Variants in MACROD2 observed in about 807,000 individuals in gnomAD.
MACROD2 encodes the protein mono-ADP ribosylhydrolase 2.
Under a neutral mutation model 70.4 loss-of-function variants are expected in MACROD2, and 36 were observed. That is an observed-to-expected ratio of 0.51 (90% CI 0.39 to 0.68). The LOEUF (loss-of-function observed/expected upper bound fraction) is 0.68, where lower values mean the gene tolerates loss of function less well. MACROD2 is among the 30% of genes least tolerant of loss of function. The pLI is 0.00. For missense variants in MACROD2, 496 were observed against 538.4 expected, an observed-to-expected ratio of 0.92 and a Z score of 0.78; for synonymous variants, 172 against 178.8, an observed-to-expected ratio of 0.96 and a Z score of 0.30.
intron 5 of MACROD2, among the ~76,000 whole-genome samples, chr20:15,149,134 C>A (rs889208273): frequency 2.0e-5 from 3 of 151,900 alleles, no homozygotes; most frequent in African/African-American, 7.3e-5. Context: ...ATTTGCCAGT[C>A]CTGGGTGGAG....
chr20:16,014,234 T>C (rs1480706744), intron 15 of MACROD2, among the ~76,000 whole-genome samples: 2 of 152,258 alleles, frequency 1.3e-5, no homozygotes, highest in African/African-American at 4.8e-5. Flanking sequence ...ATTCCAGTTC[T>C]ATCACTTTTT....
At chr20:15,551,091 A>T (rs1481540701) in intron 8 of MACROD2, among the ~76,000 whole-genome samples, 1 of 152,212 alleles carries the variant, frequency 6.6e-6, no homozygotes, top group African/African-American at 2.4e-5. Flanking sequence ...GGGTGTAGGG[A>T]AGGAGATAGG....
chr20:15,332,412 A>C lies in MACROD2; in HGVS notation c.541-98993A>C, dbSNP rs181574697. 1.8e-4 allele frequency among the ~76,000 whole-genome samples: 28 copies of C among 151,686 alleles called. 1 individual carries two copies. Among genetic ancestry groups the C allele is most frequent in the African/African-American group, 6.3e-4 (26 of 41,062 alleles). ...TTAGGCGCAAGTAAAATTTTTCCTA[A>C]AGTATGAAATAGGGATCTAAATTTG... On this transcript the variant is annotated intron_variant, in intron 6 of 17. Coordinates refer to ENST00000684519, the MANE Select transcript of MACROD2 (RefSeq NM_001351661.2).
At chr20:14,126,491 T>TTGC (rs753009299) in intron 3 of MACROD2, among the ~76,000 whole-genome samples, 7 of 152,230 alleles carry the variant, frequency 4.6e-5, no homozygotes, top group Non-Finnish European at 7.3e-5. Context: ...CTTTGCTTTA[T>TTGC]TGCGTTCCAT....
At chr20:15,435,376 A>G (rs1264447035) in intron 7 of MACROD2, among the ~76,000 whole-genome samples, 5 of 152,160 alleles carry the variant, frequency 3.3e-5, no homozygotes, top group Non-Finnish European at 5.9e-5. Context: ...TGTTCCACAC[A>G]CAATGTAATA....
chr20:15,273,390 A>G (rs924813352), intron 6 of MACROD2, among the ~76,000 whole-genome samples: 2 of 151,348 alleles, frequency 1.3e-5, no homozygotes, highest in Non-Finnish European at 2.9e-5. Context: ...CCTTGTGAGC[A>G]TGTTTAATAC....
chr20:15,517,425 T>G (rs1202928739), intron 8 of MACROD2, among the ~76,000 whole-genome samples: 2 of 152,170 alleles, frequency 1.3e-5, no homozygotes, highest in African/African-American at 2.4e-5. Flanking sequence ...ACCATTTGAT[T>G]TTTGTGTACA....
At chr20:15,207,837 A>C (rs2076725057) in intron 5 of MACROD2, among the ~76,000 whole-genome samples, 1 of 152,106 alleles carries the variant, frequency 6.6e-6, no homozygotes, top group Non-Finnish European at 1.5e-5. Context: ...GCTGCATTCA[A>C]GATTTTTTCT....
At chr20:14,129,579 G>A (rs2054692704) in intron 3 of MACROD2, among the ~76,000 whole-genome samples, 1 of 152,176 alleles carries the variant, frequency 6.6e-6, no homozygotes, top group African/African-American at 2.4e-5. Flanking sequence ...CTGCAAATTT[G>A]AAAGAAGTTC....
chr20:14,066,097 TA>T (rs2148658371), intron 2 of MACROD2, among the ~76,000 whole-genome samples: 1 of 152,346 alleles, frequency 6.6e-6, no homozygotes, highest in South Asian at 2.1e-4. Context: ...TGTTTAGATT[TA>T]GGTATCTACT....
intron 3 of MACROD2, among the ~76,000 whole-genome samples, chr20:14,242,264 C>T (rs889615318): frequency 2.6e-5 from 4 of 152,106 alleles, no homozygotes; most frequent in African/African-American, 9.7e-5. Context: ...TTTGAAAAAT[C>T]ACAGACTTCA....
At chr20:15,636,089 A>AAAAAAAG (rs1459679844) in intron 8 of MACROD2, among the ~76,000 whole-genome samples, 33 of 135,006 alleles carry the variant, frequency 2.4e-4, no homozygotes, top group African/African-American at 5.4e-4. Context: ...AAAAAAAAAA[A>AAAAAAAG]AAAGAAAGAA....
intron 4 of MACROD2, among the ~76,000 whole-genome samples, chr20:14,646,361 A>G (rs1434922112): frequency 6.6e-6 from 1 of 152,064 alleles, no homozygotes; most frequent in African/African-American, 2.4e-5. Flanking sequence ...TCTAGCATTG[A>G]TGAAGCTACC....
At chr20:15,506,910 T>A (rs1442460669) in intron 8 of MACROD2, among the ~76,000 whole-genome samples, 1 of 152,224 alleles carries the variant, frequency 6.6e-6, no homozygotes, top group Non-Finnish European at 1.5e-5. Flanking sequence ...GTACCTATTA[T>A]GGTCTTAGTT....
chr20:14,559,963 C>G (rs191195477), intron 4 of MACROD2, among the ~76,000 whole-genome samples: 92 of 151,670 alleles, frequency 6.1e-4, no homozygotes, highest in African/African-American at 2.1e-3. Flanking sequence ...TTTCTTTTCT[C>G]TATCTATTCA....
intron 2 of MACROD2, 49 bp downstream of exon 2, chr20:14,002,453 AC>A: frequency 9.1e-7 from 1 of 1,096,618 alleles, no homozygotes; most frequent in Non-Finnish European, 1.4e-6. Flanking sequence ...CCATTTTAGG[AC>A]AATTGTTGAC....
At chr20:14,226,898 A>G (rs992099145) in intron 3 of MACROD2, among the ~76,000 whole-genome samples, 6 of 152,178 alleles carry the variant, frequency 3.9e-5, no homozygotes, top group Non-Finnish European at 5.9e-5. Context: ...GCGGGCGCAC[A>G]GCGCGGGACT....
intron 6 of MACROD2, among the ~76,000 whole-genome samples, chr20:15,240,487 T>C (rs1439692574): frequency 1.3e-5 from 2 of 152,194 alleles, no homozygotes; most frequent in Admixed American, 6.5e-5. Context: ...AAGGATCATT[T>C]GAGCCCACGA....
At chr20:15,766,761 C>T (rs1600860086) in intron 8 of MACROD2, among the ~76,000 whole-genome samples, 1 of 152,156 alleles carries the variant, frequency 6.6e-6, no homozygotes, top group Non-Finnish European at 1.5e-5. Flanking sequence ...GTAATAGTTA[C>T]CTTTTGCTAC....
Sources: allele counts gnomAD v4.1 joint callset (sites outside exome capture counted in the v4.1 genomes callset), GRCh38; gene constraint gnomAD v4.1.1; transcripts MANE v1.5; gene names NCBI Gene and HGNC (gene_info 2026-07-23, HGNC 2026-07-21).